DLG1: variants seen among roughly 807,000 people sequenced by gnomAD.
The protein encoded by DLG1 is disks large homolog 1.
In DLG1, 42 loss-of-function variants were observed where a neutral mutation model predicts 123.4. The observed-to-expected ratio is 0.34, with a 90% confidence interval of 0.27 to 0.44. The LOEUF (loss-of-function observed/expected upper bound fraction) is 0.44. Ranked by LOEUF, DLG1 falls within the 20% of genes least tolerant of loss-of-function variation. DLG1 has a pLI of 1.00. For missense variants in DLG1, 942 were observed against 1,082.6 expected, an observed-to-expected ratio of 0.87 and a Z score of 1.82; for synonymous variants, 317 against 356.2, an observed-to-expected ratio of 0.89 and a Z score of 1.24.
chr3:197,109,050 G>A (rs1227964666), intron 13 of DLG1, among the ~76,000 whole-genome samples: 1 of 151,874 alleles, frequency 6.6e-6, no homozygotes, highest in Non-Finnish European at 1.5e-5. Context: ...GGTTATCTTG[G>A]ATTATAAGTA....
chr3:197,266,807 C>CAT (rs1761881853), intron 4 of DLG1, among the ~76,000 whole-genome samples: 1 of 151,964 alleles, frequency 6.6e-6, no homozygotes, highest in South Asian at 2.1e-4. Flanking sequence ...AAAGATTAAT[C>CAT]ATATCAGTGA....
At chr3:197,233,510 C>A (rs1176293768) in intron 4 of DLG1, among the ~76,000 whole-genome samples, 1 of 152,214 alleles carries the variant, frequency 6.6e-6, no homozygotes, top group Non-Finnish European at 1.5e-5. Context: ...CCTCAGTCTC[C>A]CAAGTAGCTG....
At chr3:197,263,011 A>G (rs188624926) in intron 4 of DLG1, among the ~76,000 whole-genome samples, 9 of 152,102 alleles carry the variant, frequency 5.9e-5, no homozygotes, top group African/African-American at 2.2e-4. Flanking sequence ...CCAACATGAA[A>G]GAGTAAAGCT....
chr3:197,145,006 T>G lies in DLG1; in HGVS notation c.538-2238A>C, dbSNP rs575487450. Among the ~76,000 whole-genome samples, 5 of 151,704 alleles carry G rather than the reference T, an allele frequency of 3.3e-5. No individual in the cohort carries two copies. The South Asian group carries it at 1.0e-3, about 32-fold the overall frequency. On this transcript the variant is annotated intron_variant, in intron 6 of 24. Coordinates refer to ENST00000667157, the MANE Select transcript of DLG1 (RefSeq NM_001366207.1). Reference sequence around the variant, plus strand: ...TGTTTACTTTTGTTTTTCATAGAGATGGGGTCTATGTTGACCAGGAGCTCG... The same window carrying G: ...TGTTTACTTTTGTTTTTCATAGAGAGGGGGTCTATGTTGACCAGGAGCTCG...
intron 10 of DLG1, 108 bp from the exon 11 acceptor site, chr3:197,130,779 A>G: frequency 1.2e-6 from 1 of 866,610 alleles, no homozygotes; most frequent in East Asian, 2.6e-5. Context: ...TAAGGAAAAT[A>G]AAGGTATGCC....
At chr3:197,237,203 C>T (rs11705967) in intron 4 of DLG1, among the ~76,000 whole-genome samples, 23,593 of 152,036 alleles carry the variant, frequency 0.16, 2,727 homozygotes, top group African/African-American at 0.33. Flanking sequence ...AAATCTTTGG[C>T]CATTATATAT....
At chr3:197,295,995 C>T (rs899989278) in intron 3 of DLG1, among the ~76,000 whole-genome samples, 3 of 152,200 alleles carry the variant, frequency 2.0e-5, no homozygotes, top group Admixed American at 6.5e-5. Context: ...ACCCTTCACA[C>T]GCTTTCAATG....
intron 4 of DLG1, among the ~76,000 whole-genome samples, chr3:197,274,187 T>C (rs143164222): frequency 1.8e-3 from 276 of 152,230 alleles, no homozygotes; most frequent in Non-Finnish European, 3.2e-3. Flanking sequence ...AGGCATCACA[T>C]TACCTGACCT....
chr3:197,138,693 C>T (rs903197242), intron 8 of DLG1, among the ~76,000 whole-genome samples: 2 of 152,140 alleles, frequency 1.3e-5, no homozygotes, highest in African/African-American at 4.8e-5. Flanking sequence ...TCTGTGTAGG[C>T]ATTAAGACAC....
At chr3:197,116,668 C>T (rs149995265) in intron 12 of DLG1, among the ~76,000 whole-genome samples, 5 of 152,254 alleles carry the variant, frequency 3.3e-5, no homozygotes, top group African/African-American at 1.2e-4. Flanking sequence ...TTGCTACCTT[C>T]CTTTCCTCAA....
intron 13 of DLG1, among the ~76,000 whole-genome samples, chr3:197,108,727 C>T (rs987241384): frequency 2.6e-5 from 4 of 152,104 alleles, no homozygotes; most frequent in Non-Finnish European, 2.9e-5. Flanking sequence ...CTTTTCCACC[C>T]GTTTACTTTC....
At chr3:197,114,341 C>T (rs1277963461) in intron 13 of DLG1, among the ~76,000 whole-genome samples, 1 of 152,138 alleles carries the variant, frequency 6.6e-6, no homozygotes, top group African/African-American at 2.4e-5. Flanking sequence ...AAGCATCTTA[C>T]AAGCAGCCAG....
chr3:197,128,019 A>G (rs1780675001), intron 11 of DLG1, among the ~76,000 whole-genome samples: 1 of 152,248 alleles, frequency 6.6e-6, no homozygotes, highest in Admixed American at 6.5e-5. Flanking sequence ...TGAGGGTGGT[A>G]GTTGCTGAAG....
intron 4 of DLG1, among the ~76,000 whole-genome samples, chr3:197,196,171 CAAAAAAAA>C (rs71162001): frequency 1.4e-4 from 12 of 88,724 alleles, no homozygotes; most frequent in Admixed American, 2.8e-4. Flanking sequence ...AAATGCACAC[CAAAAAAAA>C]AAAAAAAAAA....
intron 22 of DLG1, among the ~76,000 whole-genome samples, chr3:197,061,994 G>A (rs1433199423): frequency 6.6e-6 from 1 of 152,050 alleles, no homozygotes; most frequent in East Asian, 1.9e-4. Context: ...TTACCACCAT[G>A]CGGTTTTCAA....
intron 4 of DLG1, among the ~76,000 whole-genome samples, chr3:197,280,987 A>C (rs564848184): frequency 6.6e-6 from 1 of 151,980 alleles, no homozygotes; most frequent in African/African-American, 2.4e-5. Context: ...GAAAGCAAAA[A>C]GTTAAGCTAA....
intron 5 of DLG1, among the ~76,000 whole-genome samples, chr3:197,179,149 G>A (rs1808718512): frequency 6.6e-6 from 1 of 152,184 alleles, no homozygotes; most frequent in African/African-American, 2.4e-5. Flanking sequence ...CTGCGAGTTG[G>A]TATAGAGAAG....
intron 16 of DLG1, among the ~76,000 whole-genome samples, chr3:197,081,520 T>G (rs1578743181): frequency 6.6e-6 from 1 of 152,136 alleles, no homozygotes; most frequent in Non-Finnish European, 1.5e-5. Flanking sequence ...TAAAAACTGG[T>G]GAAAGTGGGA....
At chr3:197,253,001 G>A (rs1432340325) in intron 4 of DLG1, among the ~76,000 whole-genome samples, 3 of 151,986 alleles carry the variant, frequency 2.0e-5, no homozygotes, top group Non-Finnish European at 4.4e-5. Context: ...GGAGAAACAG[G>A]AGAAAATTTT....
Sources: gnomAD v4.1 joint callset for allele counts (sites outside exome capture counted in the v4.1 genomes callset) on GRCh38, gnomAD v4.1.1 for gene constraint, MANE v1.5 for transcripts, NCBI Gene and HGNC (gene_info 2026-07-23, HGNC 2026-07-21) for gene names.